Variants in WDR19 observed in about 807,000 individuals in gnomAD.
WDR19 encodes WD repeat domain 19.
A neutral mutation model predicts 180.0 loss-of-function variants in WDR19; 121 were observed. That is an observed-to-expected ratio of 0.67 (90% CI 0.58 to 0.78). The LOEUF is 0.78. WDR19 is among the 30% of genes least tolerant of loss of function. The pLI is 0.00. For synonymous variants in WDR19, 497 were observed against 540.7 expected (o/e 0.92, Z 1.12); for missense variants, 1,450 against 1,640.7 (o/e 0.88, Z 2.01).
At chr4:39,281,203 A>ATGTGTGTGTG (rs1254088982) in intron 36 of WDR19, among the ~76,000 whole-genome samples, 1 of 74,246 alleles carries the variant, frequency 1.3e-5, no homozygotes, top group African/African-American at 8.4e-5. Context: ...TCCTAAATAT[A>ATGTGTGTGTG]TATGTGTGTG....
At chr4:39,244,442 G>A (rs774264947) in intron 22 of WDR19, 28 bp from the exon 23 acceptor site, 10 of 1,613,652 alleles carry the variant, frequency 6.2e-6, no homozygotes, top group Non-Finnish European at 8.5e-6. Context: ...TAATAACTTA[G>A]TATTTTAATA....
At chr4:39,255,213 T>C (rs1222022940) in intron 26 of WDR19, among the ~76,000 whole-genome samples, 1 of 152,220 alleles carries the variant, frequency 6.6e-6, no homozygotes, top group Non-Finnish European at 1.5e-5. Flanking sequence ...GTTTGTCTTA[T>C]ATAAGATGTG....
intron 6 of WDR19, 150 bp downstream of exon 6, chr4:39,199,743 T>G: frequency 7.0e-6 from 4 of 571,602 alleles, no homozygotes; most frequent in Non-Finnish European, 1.2e-5. Flanking sequence ...TCAAAAACCT[T>G]TCTATTTATT....
At chr4:39,201,959 C>T (rs1483257359) in intron 6 of WDR19, among the ~76,000 whole-genome samples, 3 of 152,070 alleles carry the variant, frequency 2.0e-5, no homozygotes, top group African/African-American at 7.2e-5. Context: ...ATTGTTTTAA[C>T]TTTGGCATTC....
At chr4:39,208,192 CAAAT>C (rs1168142280) in intron 9 of WDR19, among the ~76,000 whole-genome samples, 2 of 150,714 alleles carry the variant, frequency 1.3e-5, no homozygotes, top group African/African-American at 2.4e-5. Context: ...GGAATAAAAA[CAAAT>C]AAAAGAGAGA....
chr4:39,212,695 G>A lies in WDR19; in HGVS notation c.891-1906G>A, dbSNP rs367960438. Among the ~76,000 whole-genome samples, 217 of 152,198 alleles carry A rather than the reference G, an allele frequency of 1.4e-3. 6 individuals are homozygous for A. In the South Asian group the frequency reaches 0.043, roughly 30 times the overall value. ...AAATGAGAAAATATTTGCAAACCAC[G>A]TATCCAACAAAGGGCTAGTATCTAG... On this transcript the variant is annotated intron_variant, in intron 9 of 36. Transcript: ENST00000399820.
intron 14 of WDR19, among the ~76,000 whole-genome samples, chr4:39,220,870 A>ATTTT (rs34845614): frequency 7.6e-4 from 46 of 60,610 alleles, no homozygotes; most frequent in East Asian, 2.2e-3. Flanking sequence ...CTGCTAATTA[A>ATTTT]TTTTTTTTTT....
At chr4:39,281,720 T>A (rs935443526) in intron 36 of WDR19, among the ~76,000 whole-genome samples, 24 of 152,204 alleles carry the variant, frequency 1.6e-4, no homozygotes, top group Non-Finnish European at 3.1e-4. Context: ...TATCTCACAA[T>A]TTCTATGGTT....
At chr4:39,182,828 G>C (rs1050337556) in intron 1 of WDR19, among the ~76,000 whole-genome samples, 7 of 152,052 alleles carry the variant, frequency 4.6e-5, no homozygotes, top group Non-Finnish European at 8.8e-5. Flanking sequence ...CAGAAAGTGG[G>C]AACCCCTCCC....
intron 33 of WDR19, among the ~76,000 whole-genome samples, chr4:39,275,677 C>A (rs1049496670): frequency 1.3e-5 from 2 of 152,180 alleles, no homozygotes; most frequent in African/African-American, 2.4e-5. Flanking sequence ...TCAGGACCTT[C>A]AATTTTCACC....
At chr4:39,222,806 G>A (rs550174652) in intron 14 of WDR19, among the ~76,000 whole-genome samples, 2 of 152,186 alleles carry the variant, frequency 1.3e-5, no homozygotes, top group African/African-American at 4.8e-5. Context: ...CTAGTTTCCC[G>A]CAGTGGTAAC....
intron 36 of WDR19, among the ~76,000 whole-genome samples, chr4:39,281,240 G>T (rs999896581): frequency 0.011 from 1,312 of 122,284 alleles, 10 homozygotes; most frequent in Non-Finnish European, 0.015. Flanking sequence ...TATATATAGA[G>T]AGAGAGAGAG....
intron 28 of WDR19, among the ~76,000 whole-genome samples, chr4:39,259,818 C>G (rs1208253083): frequency 6.6e-6 from 1 of 152,204 alleles, no homozygotes; most frequent in African/African-American, 2.4e-5. Flanking sequence ...TTTCCTGAAG[C>G]AGCTGACCAC....
chr4:39,271,334 TTC>T (rs1246501432), intron 31 of WDR19, among the ~76,000 whole-genome samples: 3 of 152,256 alleles, frequency 2.0e-5, no homozygotes, highest in Non-Finnish European at 4.4e-5. Context: ...GTTGTGTATA[TTC>T]TGTTTTTTAA....
rs371128500 is a variant in WDR19, at chr4:39,266,128, T to C, written c.3249T>C (p.Asp1083=). ...TAGACCATCTCCTGGGGGAGAACGA[T>C]GGCATGCCTAAGGTACTGAACACGT... is the stretch of plus-strand genomic sequence containing the variant. ...QLIDHLLGEN[D]GMPKDAKYLF... Residue 1083 remains aspartate, a synonymous_variant, in exon 29 of 37, where the codon GAT becomes GAC. Coordinates refer to ENST00000399820, the MANE Select transcript of WDR19 (RefSeq NM_025132.4). 5.3e-4 allele frequency: 825 copies of C among 1,563,046 alleles called. 4 individuals are homozygous for C. Among genetic ancestry groups the C allele is most frequent in the South Asian group, 7.6e-4 (64 of 84,426 alleles).
At chr4:39,230,697 G>C (rs1467772339) in intron 17 of WDR19, among the ~76,000 whole-genome samples, 2 of 152,098 alleles carry the variant, frequency 1.3e-5, no homozygotes, top group African/African-American at 4.8e-5. Context: ...ACTGCCTTAA[G>C]GACAGCAACT....
intron 6 of WDR19, among the ~76,000 whole-genome samples, chr4:39,202,095 CTT>C (rs1253896435): frequency 1.3e-5 from 2 of 152,264 alleles, no homozygotes; most frequent in Non-Finnish European, 2.9e-5. Flanking sequence ...GTCATTATCT[CTT>C]TGAATATTAC....
chr4:39,194,671 C>T lies in WDR19; in HGVS notation c.406+12C>T, dbSNP rs781438702. ...GATTCCTGTCCTTGGTAGGTGATAG[C>T]TGGAAACACTGCTAAATATTTGAGA... On this transcript the variant is annotated intron_variant, in intron 5 of 36. Transcript: ENST00000399820. 6 of 1,540,102 alleles carry T rather than the reference C, an allele frequency of 3.9e-6. No individual in the cohort carries two copies. In the South Asian group the frequency reaches 4.6e-5, roughly 12 times the overall value.
chr4:39,211,799 A>G (rs1172259348), intron 9 of WDR19, among the ~76,000 whole-genome samples: 1 of 152,212 alleles, frequency 6.6e-6, no homozygotes, highest in African/African-American at 2.4e-5. Flanking sequence ...TACTGTGTTC[A>G]TAGATTGAAA....
Sources: allele counts gnomAD v4.1 joint callset (sites outside exome capture counted in the v4.1 genomes callset), GRCh38; gene constraint gnomAD v4.1.1; transcripts MANE v1.5; gene names NCBI Gene and HGNC (gene_info 2026-07-23, HGNC 2026-07-21).